Variants in ARHGAP26 observed in about 807,000 individuals in gnomAD.
The protein encoded by ARHGAP26 is rho GTPase-activating protein 26.
ARHGAP26 carries 38 observed loss-of-function variants against 104.8 expected under a neutral mutation model. The ratio of observed to expected loss-of-function variants is 0.36; its 90% CI spans 0.28 to 0.48. ARHGAP26 has a LOEUF of 0.48. Ranked by LOEUF, ARHGAP26 falls within the 20% of genes least tolerant of loss-of-function variation. ARHGAP26 has a pLI of 0.99. For missense variants in ARHGAP26, 704 were observed against 947.9 expected, an observed-to-expected ratio of 0.74 and a Z score of 3.38; for synonymous variants, 341 against 340.0, an observed-to-expected ratio of 1.00 and a Z score of -0.03.
chr5:143,163,168 T>C (rs559819479), intron 20 of ARHGAP26, among the ~76,000 whole-genome samples: 3 of 152,226 alleles, frequency 2.0e-5, no homozygotes, highest in South Asian at 4.2e-4. Flanking sequence ...GACTAAAATA[T>C]ACTCTCCTTG....
At chr5:142,858,041 A>G (rs2152293402) in intron 1 of ARHGAP26, among the ~76,000 whole-genome samples, 1 of 139,822 alleles carries the variant, frequency 7.2e-6, no homozygotes, top group African/African-American at 2.7e-5. Context: ...GAGAGAAGGA[A>G]TGAGAGAGAG....
chr5:142,988,448 G>T (rs146849542), intron 11 of ARHGAP26, among the ~76,000 whole-genome samples: 1 of 152,082 alleles, frequency 6.6e-6, no homozygotes, highest in Non-Finnish European at 1.5e-5. Flanking sequence ...CTAGCTGCTG[G>T]ATTCATTGAT....
chr5:142,881,937 A>C (rs1307645481), intron 4 of ARHGAP26, among the ~76,000 whole-genome samples: 2 of 152,210 alleles, frequency 1.3e-5, no homozygotes, highest in East Asian at 3.8e-4. Flanking sequence ...GAAGGCTGCC[A>C]GGGAGGAAGA....
chr5:143,166,494 C>T (rs1801963554), intron 20 of ARHGAP26, among the ~76,000 whole-genome samples: 1 of 152,164 alleles, frequency 6.6e-6, no homozygotes, highest in South Asian at 2.1e-4. Context: ...CCAGTTGCTG[C>T]TTCTCAGTGC....
At chr5:142,923,949 C>T (rs1291020955) in intron 10 of ARHGAP26, among the ~76,000 whole-genome samples, 1 of 150,792 alleles carries the variant, frequency 6.6e-6, no homozygotes, top group Non-Finnish European at 1.5e-5. Context: ...GCAAGCTCCG[C>T]CCCCCGGGTT....
chr5:143,108,130 G>A (rs868085539), intron 17 of ARHGAP26, among the ~76,000 whole-genome samples: 3 of 152,204 alleles, frequency 2.0e-5, no homozygotes, highest in Non-Finnish European at 4.4e-5. Flanking sequence ...ATTTAGTGCA[G>A]CAAGGAGCTA....
chr5:142,877,324 C>T (rs1598042245), intron 3 of ARHGAP26, among the ~76,000 whole-genome samples: 1 of 152,162 alleles, frequency 6.6e-6, no homozygotes, highest in African/African-American at 2.4e-5. Flanking sequence ...TATATGGCTA[C>T]CCTTGGTATT....
At chr5:142,825,737 C>G (rs542400324) in intron 1 of ARHGAP26, among the ~76,000 whole-genome samples, 2 of 152,194 alleles carry the variant, frequency 1.3e-5, no homozygotes, top group African/African-American at 2.4e-5. Context: ...AGCCGATATT[C>G]CGAAGCAAGG....
intron 3 of ARHGAP26, among the ~76,000 whole-genome samples, chr5:142,876,678 G>T (rs1756145331): frequency 1.3e-5 from 2 of 150,610 alleles, no homozygotes; most frequent in South Asian, 4.2e-4. Flanking sequence ...TACTTGGGAG[G>T]AGGGAGGAGG....
At chr5:142,906,713 A>C (rs529966380) in intron 8 of ARHGAP26, among the ~76,000 whole-genome samples, 1 of 152,342 alleles carries the variant, frequency 6.6e-6, no homozygotes, top group South Asian at 2.1e-4. Flanking sequence ...GTAAGAATAC[A>C]CTAAGATGGT....
chr5:142,944,927 C>T (rs532818174), intron 11 of ARHGAP26, among the ~76,000 whole-genome samples: 3 of 152,214 alleles, frequency 2.0e-5, no homozygotes, highest in South Asian at 2.1e-4. Context: ...CTAGCAGCGC[C>T]GCCCCCTCCC....
intron 17 of ARHGAP26, among the ~76,000 whole-genome samples, chr5:143,062,391 A>T (rs1786842394): frequency 6.6e-6 from 1 of 152,208 alleles, no homozygotes; most frequent in Non-Finnish European, 1.5e-5. Flanking sequence ...AAATGGACAA[A>T]ATTCTGTAGA....
chr5:142,950,518 G>C (rs1180827187), intron 11 of ARHGAP26, among the ~76,000 whole-genome samples: 1 of 151,678 alleles, frequency 6.6e-6, no homozygotes, highest in Non-Finnish European at 1.5e-5. Flanking sequence ...TTCTATTCCT[G>C]GTTCACACAA....
intron 20 of ARHGAP26, among the ~76,000 whole-genome samples, chr5:143,175,096 A>G (rs1355667966): frequency 3.3e-5 from 5 of 152,232 alleles, no homozygotes; most frequent in South Asian, 2.1e-4. Flanking sequence ...CCCACATAAA[A>G]GGAGCCCAAA....
chr5:143,016,971 C>T (rs1449482650), intron 12 of ARHGAP26, among the ~76,000 whole-genome samples: 6 of 152,114 alleles, frequency 3.9e-5, no homozygotes, highest in Non-Finnish European at 7.3e-5. Flanking sequence ...CCACAGGTGG[C>T]GCTAATGCTC....
Position 142,871,147 on chromosome 5 carries a change from G to T in ARHGAP26, c.155-2253G>T, listed in dbSNP as rs370726990. Reference sequence around the variant, plus strand: ...GATCGGCCTGTCCTTCAGCTTCATGGGGTCCTCACTGCTTCTCAGGCTTGC... The same window carrying T: ...GATCGGCCTGTCCTTCAGCTTCATGTGGTCCTCACTGCTTCTCAGGCTTGC... On this transcript the variant is annotated intron_variant, in intron 1 of 22. Coordinates refer to ENST00000645722, the MANE Select transcript of ARHGAP26 (RefSeq NM_001135608.3). This position sits in a 1 kb window ranked among gnomAD's most constrained non-coding sequence, Gnocchi z 4.1. 3.0e-4 allele frequency among the ~76,000 whole-genome samples: 46 copies of T among 152,264 alleles called. No individual in the cohort carries two copies. The highest frequency in any genetic ancestry group is 1.1e-3 in the African/African-American group (46 of 41,554).
At chr5:142,940,996 A>G (rs1240747717) in intron 11 of ARHGAP26, among the ~76,000 whole-genome samples, 1 of 136,036 alleles carries the variant, frequency 7.4e-6, no homozygotes, top group Non-Finnish European at 1.5e-5. Context: ...AATGGCATGA[A>G]CCCAGGAGGC....
At chr5:143,083,690 G>A (rs1031068869) in intron 17 of ARHGAP26, among the ~76,000 whole-genome samples, 1 of 152,058 alleles carries the variant, frequency 6.6e-6, no homozygotes, top group African/African-American at 2.4e-5. Flanking sequence ...GTAGAGATAG[G>A]GTTTCACCAT....
At chr5:142,932,435 G>A (rs1764860674) in intron 11 of ARHGAP26, among the ~76,000 whole-genome samples, 1 of 152,164 alleles carries the variant, frequency 6.6e-6, no homozygotes, top group Non-Finnish European at 1.5e-5. Context: ...TATAAGCAGC[G>A]GGACATTATC....
Sources: gnomAD v4.1 joint callset for allele counts (sites outside exome capture counted in the v4.1 genomes callset) on GRCh38, gnomAD v4.1.1 for gene constraint, Gnocchi (gnomAD v3.1) non-coding constraint, MANE v1.5 for transcripts, NCBI Gene and HGNC (gene_info 2026-07-23, HGNC 2026-07-21) for gene names.